Variants in BLM observed in about 807,000 individuals in gnomAD.
BLM encodes recQ-like DNA helicase BLM.
Under a neutral mutation model 135.3 loss-of-function variants are expected in BLM, and 95 were observed. That is an observed-to-expected ratio of 0.70 (90% CI 0.59 to 0.83). BLM has a LOEUF of 0.83. Ranked by LOEUF, BLM falls within the 40% of genes least tolerant of loss-of-function variation. The probability of loss-of-function intolerance (pLI) is 0.00; values close to 1 mark genes in which losing one functional copy is unlikely to be tolerated. For missense variants in BLM, 1,518 were observed against 1,663.9 expected, an observed-to-expected ratio of 0.91 and a Z score of 1.53; for synonymous variants, 520 against 589.2, an observed-to-expected ratio of 0.88 and a Z score of 1.70.
intron 17 of BLM, among the ~76,000 whole-genome samples, 169 bp downstream of exon 17, chr15:90,798,506 A>C (rs7176753): frequency 0.11 from 16,100 of 152,268 alleles, 1,553 homozygotes; most frequent in African/African-American, 0.26. Context: ...TGTTTTATAT[A>C]ATGTATATGT....
intron 7 of BLM, 98 bp from the exon 8 acceptor site, chr15:90,762,868 A>T: frequency 9.0e-7 from 1 of 1,116,546 alleles, no homozygotes; most frequent in Non-Finnish European, 1.3e-6. Context: ...GCTGCAGGGA[A>T]ACGTGTGCCA....
At chr15:90,735,557 G>C (rs1895192266) in intron 1 of BLM, among the ~76,000 whole-genome samples, 2 of 146,070 alleles carry the variant, frequency 1.4e-5, no homozygotes, top group Admixed American at 1.4e-4. Context: ...GTATGATAAA[G>C]GTAGTTCTGA....
chr15:90,734,059 C>T (rs1201924551), intron 1 of BLM, among the ~76,000 whole-genome samples: 2 of 151,792 alleles, frequency 1.3e-5, no homozygotes, highest in Non-Finnish European at 2.9e-5. Context: ...AAAATACTAC[C>T]AAACAGAACA....
chr15:90,749,313 T>C, intron 2 of BLM, 54 bp from the exon 3 acceptor site: 1 of 1,357,264 alleles, frequency 7.4e-7, no homozygotes, highest in Non-Finnish European at 1.0e-6. Flanking sequence ...TTTGTAGAGT[T>C]GGGGGGTTTC....
At chr15:90,750,633 T>C (rs1413454582) in intron 3 of BLM, among the ~76,000 whole-genome samples, 1 of 152,196 alleles carries the variant, frequency 6.6e-6, no homozygotes, top group Non-Finnish European at 1.5e-5. Flanking sequence ...CCTCTCTTCA[T>C]CTCATCATAT....
chr15:90,743,465 C>G (rs189205624), intron 1 of BLM, among the ~76,000 whole-genome samples: 1 of 152,020 alleles, frequency 6.6e-6, no homozygotes, highest in Non-Finnish European at 1.5e-5. Context: ...TGAAACTTCA[C>G]TAGCCTCAAT....
At chr15:90,731,965 G>T (rs1417819597) in intron 1 of BLM, among the ~76,000 whole-genome samples, 1 of 152,172 alleles carries the variant, frequency 6.6e-6, no homozygotes, top group Non-Finnish European at 1.5e-5. Flanking sequence ...TTCCCAAAGT[G>T]CTGGGATTAC....
intron 1 of BLM, among the ~76,000 whole-genome samples, chr15:90,728,562 C>G (rs546929908): frequency 6.6e-6 from 1 of 151,712 alleles, no homozygotes; most frequent in Non-Finnish European, 1.5e-5. Flanking sequence ...ACTGCCACCA[C>G]GTTCAGCTAA....
intron 1 of BLM, among the ~76,000 whole-genome samples, chr15:90,747,164 G>C (rs1330190978): frequency 7.0e-6 from 1 of 142,496 alleles, no homozygotes; most frequent in East Asian, 2.1e-4. Flanking sequence ...TGTTATTCAA[G>C]TGAGCCTTCA....
intron 12 of BLM, among the ~76,000 whole-genome samples, chr15:90,779,502 A>G (rs1896566013): frequency 6.6e-6 from 1 of 152,204 alleles, no homozygotes; most frequent in East Asian, 1.9e-4. Context: ...GATTTTCTTC[A>G]TCATTTGTAT....
At chr15:90,752,090 A>T in intron 4 of BLM, 144 bp downstream of exon 4, 1 of 807,860 alleles carries the variant, frequency 1.2e-6, no homozygotes, top group Non-Finnish European at 1.9e-6. Context: ...TCAAAAAAAA[A>T]CCCTGTTTAT....
intron 3 of BLM, among the ~76,000 whole-genome samples, chr15:90,751,374 A>G (rs1895677527): frequency 6.6e-6 from 1 of 152,218 alleles, no homozygotes; most frequent in African/African-American, 2.4e-5. Context: ...CAAAAGAGAG[A>G]CTTAAATAAC....
intron 17 of BLM, 66 bp from the exon 18 acceptor site, chr15:90,803,455 C>G: frequency 6.8e-7 from 1 of 1,477,096 alleles, no homozygotes; most frequent in Non-Finnish European, 9.4e-7. Flanking sequence ...ACTTTTTAGC[C>G]TCTTCTATTT....
At chr15:90,734,166 C>A (rs1895139662) in intron 1 of BLM, among the ~76,000 whole-genome samples, 1 of 151,966 alleles carries the variant, frequency 6.6e-6, no homozygotes, top group Non-Finnish European at 1.5e-5. Flanking sequence ...ATGTAATTCA[C>A]CATATTAATT....
chr15:90,809,829 A>G (rs1897366777), intron 20 of BLM, among the ~76,000 whole-genome samples: 2 of 152,202 alleles, frequency 1.3e-5, no homozygotes, highest in South Asian at 2.1e-4. Flanking sequence ...GAGCTTCATC[A>G]TCATTACAGC....
At chr15:90,763,892 C>T (rs1896052336) in intron 8 of BLM, among the ~76,000 whole-genome samples, 1 of 152,140 alleles carries the variant, frequency 6.6e-6, no homozygotes, top group East Asian at 1.9e-4. Context: ...GTGTAGTCCT[C>T]CCTCTGTCTA....
At chr15:90,799,399 A>T (rs1897111478) in intron 17 of BLM, among the ~76,000 whole-genome samples, 1 of 152,030 alleles carries the variant, frequency 6.6e-6, no homozygotes, top group Admixed American at 6.6e-5. Flanking sequence ...TTTAGTGGAG[A>T]GGTTGGAAAA....
At chr15:90,803,759 G>A (rs1187355132) in intron 18 of BLM, 39 bp downstream of exon 18, 10 of 1,576,236 alleles carry the variant, frequency 6.3e-6, no homozygotes, top group East Asian at 4.5e-5. Context: ...ATCTCACAAT[G>A]AGTGAACCAA....
chr15:90,727,949 G>A (rs982779903), intron 1 of BLM, among the ~76,000 whole-genome samples: 1 of 151,930 alleles, frequency 6.6e-6, no homozygotes, highest in African/African-American at 2.4e-5. Flanking sequence ...ATGAATTTGA[G>A]GAGAATTAGC....
Sources: gnomAD v4.1 joint callset for allele counts (sites outside exome capture counted in the v4.1 genomes callset) on GRCh38, gnomAD v4.1.1 for gene constraint, MANE v1.5 for transcripts, NCBI Gene and HGNC (gene_info 2026-07-23, HGNC 2026-07-21) for gene names.